Variants in FHIT observed in about 807,000 individuals in gnomAD.
FHIT encodes fragile histidine triad diadenosine triphosphatase, also known as bis(5'-adenosyl)-triphosphatase.
In FHIT, 19 loss-of-function variants were observed where a neutral mutation model predicts 17.9. The observed-to-expected ratio is 1.06, with a 90% CI of 0.74 to 1.56. The LOEUF is 1.56. Among genes scored for constraint, FHIT ranks in the 40% most tolerant of loss-of-function variants. FHIT has a pLI of 0.00. For missense variants in FHIT, 248 were observed against 189.2 expected (o/e 1.31, Z -1.82); for synonymous variants, 81 against 69.7 (o/e 1.16, Z -0.81).
At chr3:60,854,334 TTTTAGC>T (rs1703278590) in intron 3 of FHIT, among the ~76,000 whole-genome samples, 1 of 152,114 alleles carries the variant, frequency 6.6e-6, no homozygotes, top group South Asian at 2.1e-4. Context: ...TATTCAGTGT[TTTTAGC>T]TTTGGAAGGT....
intron 4 of FHIT, among the ~76,000 whole-genome samples, chr3:60,643,385 A>C (rs942299173): frequency 1.3e-5 from 2 of 152,200 alleles, no homozygotes; most frequent in African/African-American, 2.4e-5. Context: ...CATTCTTCAC[A>C]GAACTAGAAA....
At chr3:60,551,476 G>A (rs2036546484) in intron 4 of FHIT, among the ~76,000 whole-genome samples, 1 of 22,668 alleles carries the variant, frequency 4.4e-5, no homozygotes. Context: ...GAGAAACAGA[G>A]AGAGGGTAGG....
chr3:61,221,167 C>G (rs2039826396), intron 1 of FHIT, among the ~76,000 whole-genome samples: 1 of 152,188 alleles, frequency 6.6e-6, no homozygotes, highest in Non-Finnish European at 1.5e-5. Context: ...ATTGTGCCAC[C>G]CCAACAGGAC....
At chr3:59,765,337 A>C (rs551393912) in intron 8 of FHIT, among the ~76,000 whole-genome samples, 14 of 152,362 alleles carry the variant, frequency 9.2e-5, no homozygotes, top group South Asian at 2.1e-4. Context: ...TCCTAGAATC[A>C]GGGATTGACA....
intron 5 of FHIT, among the ~76,000 whole-genome samples, chr3:60,129,006 G>A (rs1342822093): frequency 6.7e-6 from 1 of 149,450 alleles, no homozygotes; most frequent in African/African-American, 2.5e-5. Flanking sequence ...TTTCCTTCCT[G>A]GTTACTCTAT....
intron 2 of FHIT, among the ~76,000 whole-genome samples, chr3:61,194,710 T>C (rs1180856615): frequency 6.6e-6 from 1 of 152,114 alleles, no homozygotes; most frequent in Non-Finnish European, 1.5e-5. Context: ...GAGTTGAGAT[T>C]CCCAAATAAT....
intron 2 of FHIT, among the ~76,000 whole-genome samples, chr3:61,100,900 T>C (rs780268363): frequency 6.6e-6 from 1 of 152,216 alleles, no homozygotes; most frequent in Non-Finnish European, 1.5e-5. Context: ...CACTTTTTGA[T>C]GGGTTTGTTT....
At chr3:60,080,883 G>C (rs1028002575) in intron 5 of FHIT, 1 of 152,176 alleles carries the variant, frequency 6.6e-6, no homozygotes, top group African/African-American at 2.4e-5. Context: ...GACTGTTCTT[G>C]TGACCTTGCC....
At chr3:60,978,451 T>G (rs1391508521) in intron 3 of FHIT, among the ~76,000 whole-genome samples, 2 of 152,216 alleles carry the variant, frequency 1.3e-5, no homozygotes, top group Non-Finnish European at 2.9e-5. Context: ...CTGGGCCTTT[T>G]TCTTTACAGG....
At chr3:60,661,050 T>C (rs2040236117) in intron 4 of FHIT, among the ~76,000 whole-genome samples, 1 of 152,074 alleles carries the variant, frequency 6.6e-6, no homozygotes, top group Admixed American at 6.6e-5. Flanking sequence ...GGTTTGTTTT[T>C]TTATTTTTAT....
At chr3:59,971,719 T>C (rs867262251) in intron 7 of FHIT, among the ~76,000 whole-genome samples, 21 of 152,126 alleles carry the variant, frequency 1.4e-4, no homozygotes, top group African/African-American at 5.1e-4. Flanking sequence ...CTGAAGTCCA[T>C]GTCCAGGTTG....
intron 4 of FHIT, among the ~76,000 whole-genome samples, chr3:60,765,906 T>C (rs1699835431): frequency 6.6e-6 from 1 of 152,200 alleles, no homozygotes; most frequent in Non-Finnish European, 1.5e-5. Flanking sequence ...CCATCCCTCC[T>C]GCCCTTGGAC....
At chr3:59,899,639 G>A (rs1704233133) in intron 8 of FHIT, among the ~76,000 whole-genome samples, 1 of 151,720 alleles carries the variant, frequency 6.6e-6, no homozygotes, top group Non-Finnish European at 1.5e-5. Flanking sequence ...TTCGAGACCA[G>A]CCTGGGCAAT....
intron 5 of FHIT, among the ~76,000 whole-genome samples, chr3:60,467,323 TTTTCA>T (rs1292806984): frequency 6.6e-6 from 1 of 152,020 alleles, no homozygotes; most frequent in Non-Finnish European, 1.5e-5. Context: ...CTTTTGTATT[TTTTCA>T]TTTCAATTTC....
Position 60,939,519 on chromosome 3 carries a change from T to A in FHIT, c.-111+102528A>T, listed in dbSNP as rs1485498037. On this transcript the variant is annotated intron_variant, in intron 3 of 9. Transcript: ENST00000492590. ...CAATAGGACACAGACTTCCTATTTTTAAAAAATTCACCGTGACTACAAGCA... is the reference window on the plus strand; with the variant it reads ...CAATAGGACACAGACTTCCTATTTTAAAAAAATTCACCGTGACTACAAGCA... Among the ~76,000 whole-genome samples the A allele has an allele frequency of 2.0e-5, 3 of 152,140 alleles. 1 individual carries two copies. Among genetic ancestry groups the A allele is most frequent in the Non-Finnish European group, 4.4e-5 (3 of 68,022 alleles).
chr3:60,245,797 C>T (rs2107581441), intron 5 of FHIT, among the ~76,000 whole-genome samples: 1 of 152,002 alleles, frequency 6.6e-6, no homozygotes, highest in South Asian at 2.1e-4. Context: ...TCAATATTGG[C>T]AACTGATCCA....
Position 60,960,124 on chromosome 3 carries a change from T to C in FHIT, c.-111+81923A>G, listed in dbSNP as rs148520866. Reference sequence around the variant, plus strand: ...CAAAGGTAAAAAGATACTACTTGAATAAGAAGAAAAATAAAGAGAGTTGTG... The same window carrying C: ...CAAAGGTAAAAAGATACTACTTGAACAAGAAGAAAAATAAAGAGAGTTGTG... On this transcript the variant is annotated intron_variant, in intron 3 of 9. Transcript: ENST00000492590. 1.8e-3 allele frequency among the ~76,000 whole-genome samples: 274 copies of C among 152,162 alleles called. 2 individuals are homozygous for C. Among genetic ancestry groups the C allele is most frequent in the Non-Finnish European group, 1.3e-3 (87 of 67,974 alleles).
chr3:61,112,021 A>T (rs557447166), intron 2 of FHIT, among the ~76,000 whole-genome samples: 1 of 152,190 alleles, frequency 6.6e-6, no homozygotes, highest in Admixed American at 6.6e-5. Context: ...AACCACAGAT[A>T]CCCCTTTTTA....
chr3:61,209,435 C>T (rs2039376705), intron 1 of FHIT, among the ~76,000 whole-genome samples: 1 of 152,188 alleles, frequency 6.6e-6, no homozygotes, highest in African/African-American at 2.4e-5. Flanking sequence ...TCCATTCTCC[C>T]CGTCACTTTC....
Sources: gnomAD v4.1 joint callset for allele counts (sites outside exome capture counted in the v4.1 genomes callset) on GRCh38, gnomAD v4.1.1 for gene constraint, MANE v1.5 for transcripts, NCBI Gene and HGNC (gene_info 2026-07-23, HGNC 2026-07-21) for gene names.